MICAL2: variants seen among roughly 807,000 people sequenced by gnomAD.
The protein encoded by MICAL2 is microtubule associated monooxygenase, calponin and LIM domain containing 2.
Under a neutral mutation model 127.3 loss-of-function variants are expected in MICAL2, and 77 were observed. The observed-to-expected ratio is 0.60, with a 90% CI of 0.50 to 0.73. MICAL2 has a LOEUF of 0.73. Among genes scored for constraint, MICAL2 ranks in the 30% least tolerant of loss-of-function variants. The pLI is 0.00. For synonymous variants in MICAL2, 570 were observed against 551.1 expected (o/e 1.03, Z -0.48); for missense variants, 1,351 against 1,434.4 (o/e 0.94, Z 0.94).
intron 2 of MICAL2, among the ~76,000 whole-genome samples, chr11:12,142,497 G>A (rs1480848855): frequency 1.3e-5 from 2 of 152,180 alleles, no homozygotes; most frequent in African/African-American, 2.4e-5. Flanking sequence ...TCCAGCAAAG[G>A]GCATGGATTA....
chr11:12,190,051 G>T (rs925212219), intron 3 of MICAL2, among the ~76,000 whole-genome samples: 1 of 152,182 alleles, frequency 6.6e-6, no homozygotes, highest in African/African-American at 2.4e-5. Flanking sequence ...ACCACTTTAT[G>T]GTGTAAGGTG....
intron 33 of MICAL2, among the ~76,000 whole-genome samples, chr11:12,352,378 G>C (rs1565313498): frequency 6.6e-6 from 1 of 152,228 alleles, no homozygotes; most frequent in Non-Finnish European, 1.5e-5. Context: ...ATAGGCACGT[G>C]CATAGCACAG....
chr11:12,144,430 A>G (rs1852676979), intron 2 of MICAL2, among the ~76,000 whole-genome samples: 1 of 152,042 alleles, frequency 6.6e-6, no homozygotes, highest in Non-Finnish European at 1.5e-5. Context: ...GGGGCTGGTG[A>G]GGGACATTTT....
intron 3 of MICAL2, among the ~76,000 whole-genome samples, chr11:12,189,600 A>G (rs934216140): frequency 6.6e-6 from 1 of 152,170 alleles, no homozygotes; most frequent in African/African-American, 2.4e-5. Context: ...CACCACCCCC[A>G]CTACCTCCAC....
intron 31 of MICAL2, among the ~76,000 whole-genome samples, chr11:12,325,347 T>C (rs1864342724): frequency 6.6e-6 from 1 of 152,174 alleles, no homozygotes; most frequent in African/African-American, 2.4e-5. Flanking sequence ...TGAGCTCAAG[T>C]GATCCTCCCA....
At chr11:12,301,274 CA>C (rs1864043028) in intron 29 of MICAL2, among the ~76,000 whole-genome samples, 1 of 152,188 alleles carries the variant, frequency 6.6e-6, no homozygotes. Flanking sequence ...GGTGGGTACA[CA>C]GCCAAACCAT....
chr11:12,147,515 C>T (rs1853065725), intron 2 of MICAL2, among the ~76,000 whole-genome samples: 1 of 152,150 alleles, frequency 6.6e-6, no homozygotes, highest in Non-Finnish European at 1.5e-5. Flanking sequence ...GGGGTGAATA[C>T]TCTGGGAAAT....
At position 12,221,630 on chromosome 11, in the gene MICAL2, G is replaced by C; in HGVS notation, c.1207-14G>C. ...ATCAGAATCAACTGGAATTTTGCAC[G>C]TTTTCTTTTGCAGCCATTTTGGCCC... On this transcript the variant is annotated splice_polypyrimidine_tract_variant and intron_variant, in intron 9 of 27. Coordinates refer to ENST00000683283, the MANE Select transcript of MICAL2 (RefSeq NM_001282663.2). The C allele has an allele frequency of 1.3e-6, 2 of 1,593,580 alleles. No individual in the cohort carries two copies. Among genetic ancestry groups the C allele is most frequent in the Non-Finnish European group, 1.7e-6 (2 of 1,163,976 alleles).
At chr11:12,260,537 A>G in intron 26 of MICAL2, 2 of 1,012,906 alleles carry the variant, frequency 2.0e-6, no homozygotes, top group South Asian at 4.6e-5. Flanking sequence ...TGAACACTGC[A>G]GTGAGTTATC....
intron 2 of MICAL2, among the ~76,000 whole-genome samples, chr11:12,141,511 G>A (rs16910634): frequency 0.036 from 5,524 of 152,112 alleles, 334 homozygotes; most frequent in African/African-American, 0.13. Context: ...TCTCCCCTGC[G>A]CCACCCTGAG....
chr11:12,242,049 T>C, intron 18 of MICAL2, 165 bp from the exon 19 acceptor site: 3 of 574,718 alleles, frequency 5.2e-6, no homozygotes, highest in South Asian at 2.4e-5. Context: ...CCAGACAATT[T>C]TGATGCAGGT....
At chr11:12,159,737 A>G (rs1463869102) in intron 2 of MICAL2, among the ~76,000 whole-genome samples, 1 of 152,224 alleles carries the variant, frequency 6.6e-6, no homozygotes, top group Non-Finnish European at 1.5e-5. Flanking sequence ...AAAGACTGAG[A>G]ATGTTAATAC....
chr11:12,264,842 C>G (rs1249950497), downstream of MICAL2, among the ~76,000 whole-genome samples: 1 of 152,138 alleles, frequency 6.6e-6, no homozygotes, highest in African/African-American at 2.4e-5. Context: ...TGTCCTAGGC[C>G]TTATTCTAAG....
downstream of MICAL2, chr11:12,293,649 G>A: frequency 6.2e-7 from 1 of 1,614,068 alleles, no homozygotes; most frequent in South Asian, 1.1e-5. Flanking sequence ...GTAGCCCAAG[G>A]AGCACCCAGG....
At chr11:12,320,315 G>A (rs750398808) in intron 30 of MICAL2, among the ~76,000 whole-genome samples, 1 of 152,218 alleles carries the variant, frequency 6.6e-6, no homozygotes, top group Non-Finnish European at 1.5e-5. Context: ...CAGCTGGGGA[G>A]ATGGCAGACT....
At chr11:12,200,510 T>G (rs1281015783) in intron 3 of MICAL2, among the ~76,000 whole-genome samples, 1 of 152,196 alleles carries the variant, frequency 6.6e-6, no homozygotes, top group Non-Finnish European at 1.5e-5. Context: ...CGAGTTCCCA[T>G]ATTAATCACA....
At chr11:12,208,292 A>G in intron 5 of MICAL2, 153 bp downstream of exon 5, 1 of 575,128 alleles carries the variant, frequency 1.7e-6, no homozygotes, top group Non-Finnish European at 3.0e-6. Flanking sequence ...TTTTTTTTTT[A>G]CCATTGCTAT....
At chr11:12,236,093 C>G in intron 15 of MICAL2, 84 bp from the exon 16 acceptor site, 2 of 1,217,350 alleles carry the variant, frequency 1.6e-6, no homozygotes, top group Non-Finnish European at 2.4e-6. Context: ...CAGCTCAAAG[C>G]CAGCCCTATG....
At chr11:12,178,994 T>C (rs1857142299) in intron 3 of MICAL2, among the ~76,000 whole-genome samples, 1 of 152,182 alleles carries the variant, frequency 6.6e-6, no homozygotes, top group African/African-American at 2.4e-5. Context: ...ACCCAAGTGA[T>C]CACACCTGCC....
Sources: allele counts gnomAD v4.1 joint callset (sites outside exome capture counted in the v4.1 genomes callset), GRCh38; gene constraint gnomAD v4.1.1; transcripts MANE v1.5; gene names NCBI Gene and HGNC (gene_info 2026-07-23, HGNC 2026-07-21).